The following ASNS variants were observed in gnomAD, a reference collection of about 807,000 sequenced individuals.
The protein encoded by ASNS is asparagine synthetase [glutamine-hydrolyzing].
Under a neutral mutation model 62.6 loss-of-function variants are expected in ASNS, and 37 were observed. The observed-to-expected ratio is 0.59, with a 90% CI of 0.45 to 0.78. ASNS has a LOEUF of 0.78. Among genes scored for constraint, ASNS ranks in the 30% least tolerant of loss-of-function variants. The pLI, the probability that ASNS is intolerant of heterozygous loss-of-function variation, is 0.00. For synonymous variants in ASNS, 207 were observed against 237.9 expected (o/e 0.87, Z 1.19); for missense variants, 520 against 682.4 (o/e 0.76, Z 2.65).
the ASNS span, among the ~76,000 whole-genome samples, chr7:97,880,711 A>G: frequency 6.6e-6 from 1 of 152,204 alleles, no homozygotes; most frequent in Admixed American, 6.5e-5. Flanking sequence ...AAAGATGTGA[A>G]GGGAAACAGA....
At chr7:97,896,727 C>CATAT in the ASNS span, among the ~76,000 whole-genome samples, 2 of 31,668 alleles carry the variant, frequency 6.3e-5, no homozygotes, top group Admixed American at 4.8e-4. Flanking sequence ...CACACACACA[C>CATAT]ACACACACAC....
chr7:97,922,535 TAAC>T, the ASNS span, among the ~76,000 whole-genome samples: 23,695 of 150,492 alleles, frequency 0.16, 2,158 homozygotes, highest in Middle Eastern at 0.23. Flanking sequence ...CTATAGTTAA[TAAC>T]AACATAACAT....
chr7:97,903,771 AACTT>A, the ASNS span, among the ~76,000 whole-genome samples: 1 of 152,248 alleles, frequency 6.6e-6, no homozygotes, highest in African/African-American at 2.4e-5. Context: ...AGAAAAATAT[AACTT>A]AATTATGTTC....
At chr7:97,924,541 C>A in the ASNS span, among the ~76,000 whole-genome samples, 1 of 152,064 alleles carries the variant, frequency 6.6e-6, no homozygotes, top group Admixed American at 6.5e-5. Flanking sequence ...GGTCCAAACA[C>A]CCTGTCTCGG....
chr7:97,901,178 T>A, the ASNS span, among the ~76,000 whole-genome samples: 1 of 152,176 alleles, frequency 6.6e-6, no homozygotes, highest in Non-Finnish European at 1.5e-5. Flanking sequence ...TAGAGTCAAC[T>A]CTGAGGGAGT....
upstream of ASNS, among the ~76,000 whole-genome samples, chr7:97,875,900 A>G (rs1159959485): frequency 5.3e-5 from 8 of 151,408 alleles, no homozygotes; most frequent in East Asian, 3.9e-4. Flanking sequence ...TCTCTTGCCC[A>G]GGCTGGAGTG....
At chr7:97,871,429 A>G (rs1792250218) in intron 1 of ASNS, among the ~76,000 whole-genome samples, 1 of 152,146 alleles carries the variant, frequency 6.6e-6, no homozygotes, top group African/African-American at 2.4e-5. Flanking sequence ...TAAGTAACCA[A>G]CTACAGACAG....
At chr7:97,884,346 C>T in the ASNS span, among the ~76,000 whole-genome samples, 7 of 152,174 alleles carry the variant, frequency 4.6e-5, no homozygotes, top group African/African-American at 1.7e-4. Flanking sequence ...ATCACGAGTT[C>T]GAGATCAGCC....
At chr7:97,878,946 G>C in the ASNS span, among the ~76,000 whole-genome samples, 3 of 152,116 alleles carry the variant, frequency 2.0e-5, no homozygotes, top group Non-Finnish European at 4.4e-5. Flanking sequence ...CCAAAACAGA[G>C]ATATAGACCA....
At chr7:97,864,540 A>G (rs762803564) in intron 3 of ASNS, 44 bp from the exon 4 acceptor site, 2 of 1,329,372 alleles carry the variant, frequency 1.5e-6, no homozygotes, top group South Asian at 2.4e-5. Context: ...CTCCTTGTAC[A>G]TTCACTAATA....
intron 7 of ASNS, 92 bp from the exon 8 acceptor site, chr7:97,856,908 T>C (rs1791467864): frequency 1.6e-6 from 2 of 1,287,872 alleles, no homozygotes; most frequent in African/African-American, 3.0e-5. Flanking sequence ...GCTTTATGAA[T>C]TAACAATGGT....
the ASNS span, among the ~76,000 whole-genome samples, chr7:97,896,680 G>A: frequency 8.6e-4 from 105 of 122,476 alleles, 1 homozygote; most frequent in Admixed American, 7.9e-3. Context: ...ATGTGTGTGT[G>A]TATATATATA....
At chr7:97,919,786 G>A in the ASNS span, among the ~76,000 whole-genome samples, 1 of 152,180 alleles carries the variant, frequency 6.6e-6, no homozygotes, top group Non-Finnish European at 1.5e-5. Flanking sequence ...ACTAGAACAG[G>A]GCGCCACACA....
the ASNS span, among the ~76,000 whole-genome samples, chr7:97,921,173 C>T: frequency 1.3e-5 from 2 of 152,248 alleles, no homozygotes; most frequent in Non-Finnish European, 2.9e-5. Flanking sequence ...TGGGACTCAC[C>T]TGCTGCAACC....
At chr7:97,876,490 C>A (rs1792441253), upstream of ASNS, among the ~76,000 whole-genome samples, 1 of 145,672 alleles carries the variant, frequency 6.9e-6, no homozygotes, top group Non-Finnish European at 1.5e-5. Context: ...TGCAGTGGTG[C>A]AATCTCGGCT....
chr7:97,878,046 G>T, the ASNS span, among the ~76,000 whole-genome samples: 1 of 152,178 alleles, frequency 6.6e-6, no homozygotes, highest in Non-Finnish European at 1.5e-5. Flanking sequence ...GGTTGTGAGC[G>T]CCAGGTGATG....
At chr7:97,901,345 G>A in the ASNS span, among the ~76,000 whole-genome samples, 1 of 152,270 alleles carries the variant, frequency 6.6e-6, no homozygotes, top group South Asian at 2.1e-4. Context: ...ACATGTGCAT[G>A]CCACCATGCC....
the ASNS span, among the ~76,000 whole-genome samples, chr7:97,913,953 T>C: frequency 1.3e-5 from 2 of 150,410 alleles, no homozygotes; most frequent in East Asian, 3.9e-4. Flanking sequence ...GGTGGAGGGA[T>C]AGATAAATGG....
chr7:97,861,927 A>G (rs543753511), intron 4 of ASNS, among the ~76,000 whole-genome samples: 1 of 152,202 alleles, frequency 6.6e-6, no homozygotes, highest in African/African-American at 2.4e-5. Flanking sequence ...GCTATTATAA[A>G]TGAAGTTGCT....
Sources: allele counts gnomAD v4.1 joint callset (sites outside exome capture counted in the v4.1 genomes callset), GRCh38; gene constraint gnomAD v4.1.1; transcripts MANE v1.5; gene names NCBI Gene and HGNC (gene_info 2026-07-23, HGNC 2026-07-21).